The following DOCK8 variants were observed in gnomAD, a reference collection of about 807,000 sequenced individuals.
DOCK8 encodes the protein dedicator of cytokinesis 8.
In DOCK8, 141 loss-of-function variants were observed where a neutral mutation model predicts 245.6. That is an observed-to-expected ratio of 0.57 (90% CI 0.50 to 0.66). DOCK8 has a LOEUF of 0.66. Ranked by LOEUF, DOCK8 falls within the 30% of genes least tolerant of loss-of-function variation. The probability of loss-of-function intolerance (pLI) is 0.00; values close to 1 mark genes in which losing one functional copy is unlikely to be tolerated. For missense variants in DOCK8, 2,965 were observed against 2,603.4 expected, an observed-to-expected ratio of 1.14 and a Z score of -3.02; for synonymous variants, 1,168 against 970.2, an observed-to-expected ratio of 1.20 and a Z score of -3.79.
intron 14 of DOCK8, among the ~76,000 whole-genome samples, chr9:357,566 G>GTTATTTTTTTTTTTTT: frequency 6.7e-6 from 1 of 150,148 alleles, no homozygotes; most frequent in African/African-American, 2.5e-5. Flanking sequence ...TTATTGTAGA[G>GTTATTTTTTTTTTTTT]TTTTTAAACA....
At chr9:463,390 C>A in intron 46 of DOCK8, 127 bp from the exon 47 acceptor site, 1 of 1,119,788 alleles carries the variant, frequency 8.9e-7, no homozygotes, top group Non-Finnish European at 1.3e-6. Context: ...ACAGGTGATC[C>A]CGATATGCCA....
intron 2 of DOCK8, among the ~76,000 whole-genome samples, chr9:275,527 G>A (rs1333168065): frequency 1.3e-5 from 2 of 151,934 alleles, no homozygotes; most frequent in Middle Eastern, 3.2e-3. Context: ...AGTTCCCTGG[G>A]GACTTTAACT....
intron 5 of DOCK8, among the ~76,000 whole-genome samples, chr9:305,345 C>T (rs558592048): frequency 1.3e-4 from 19 of 151,590 alleles, no homozygotes; most frequent in African/African-American, 1.9e-4. Flanking sequence ...TGCAGTGGCA[C>T]GATCTTGGCT....
chr9:405,293 G>C (rs1302148531), intron 27 of DOCK8, among the ~76,000 whole-genome samples: 1 of 152,106 alleles, frequency 6.6e-6, no homozygotes. Context: ...CCCTGATCAG[G>C]TTAAGTAAAG....
chr9:234,798 C>T (rs2047207321), intron 1 of DOCK8, among the ~76,000 whole-genome samples: 1 of 147,328 alleles, frequency 6.8e-6, no homozygotes, highest in East Asian at 2.4e-4. Flanking sequence ...ATCCATTCGT[C>T]TATTTTTTTT....
intron 14 of DOCK8, among the ~76,000 whole-genome samples, chr9:360,867 A>G (rs969853500): frequency 6.6e-6 from 1 of 152,108 alleles, no homozygotes; most frequent in African/African-American, 2.4e-5. Context: ...CTCCCTCAAA[A>G]AGAGCATTTC....
chr9:428,960 CTTTA>C (rs111783905), intron 35 of DOCK8, among the ~76,000 whole-genome samples: 1 of 151,956 alleles, frequency 6.6e-6, no homozygotes, highest in African/African-American at 2.4e-5. Flanking sequence ...TTATTTTTCC[CTTTA>C]TTTATTTATT....
At chr9:458,769 C>T (rs1297549361) in intron 46 of DOCK8, among the ~76,000 whole-genome samples, 1 of 152,144 alleles carries the variant, frequency 6.6e-6, no homozygotes, top group African/African-American at 2.4e-5. Context: ...TGAGATCATG[C>T]CACTGCCTTC....
chr9:414,739 T>G (rs2055905103), intron 28 of DOCK8, 43 bp from the exon 29 acceptor site: 1 of 1,613,722 alleles, frequency 6.2e-7, no homozygotes, highest in African/African-American at 1.3e-5. Context: ...TTTAGTCAAT[T>G]TCCTTTCACC....
chr9:444,596 A>G (rs2057195986), intron 43 of DOCK8, among the ~76,000 whole-genome samples: 1 of 152,170 alleles, frequency 6.6e-6, no homozygotes, highest in Non-Finnish European at 1.5e-5. Flanking sequence ...AATTGAATAC[A>G]GTCTCCAGCC....
chr9:433,570 T>C (rs1023779477), intron 37 of DOCK8, among the ~76,000 whole-genome samples: 2 of 152,226 alleles, frequency 1.3e-5, no homozygotes, highest in African/African-American at 4.8e-5. Flanking sequence ...TTTAGAACTT[T>C]TCAGGTTACA....
chr9:369,944 C>A (rs370303945), intron 15 of DOCK8: 1 of 436,488 alleles, frequency 2.3e-6, no homozygotes, highest in South Asian at 2.1e-5. Context: ...AGGGACTATA[C>A]GCATGTGCCA....
chr9:408,623 T>C (rs1022509248), intron 28 of DOCK8, among the ~76,000 whole-genome samples: 3 of 152,200 alleles, frequency 2.0e-5, no homozygotes, highest in African/African-American at 7.2e-5. Flanking sequence ...TGCACAAACA[T>C]GTACATACAT....
At chr9:453,501 A>C (rs1308791451) in intron 46 of DOCK8, among the ~76,000 whole-genome samples, 1 of 152,170 alleles carries the variant, frequency 6.6e-6, no homozygotes, top group Non-Finnish European at 1.5e-5. Flanking sequence ...ATCTCAGCTC[A>C]CTGCAACCTC....
At chr9:258,781 A>G (rs1209237690) in intron 1 of DOCK8, among the ~76,000 whole-genome samples, 1 of 151,854 alleles carries the variant, frequency 6.6e-6, no homozygotes, top group African/African-American at 2.4e-5. Context: ...TATTTTTAGT[A>G]GAGATGGGGT....
chr9:268,053 A>G (rs1439323390), intron 1 of DOCK8: 1 of 152,242 alleles, frequency 6.6e-6, no homozygotes, highest in Non-Finnish European at 1.5e-5. Flanking sequence ...GTTTTCCCAC[A>G]GCTTGACCAA....
intron 19 of DOCK8, 47 bp from the exon 20 acceptor site, chr9:376,930 A>G (rs748142982): frequency 2.0e-6 from 3 of 1,533,220 alleles, no homozygotes; most frequent in Non-Finnish European, 2.7e-6. Context: ...CCACTGGTGA[A>G]CATTGATGGT....
chr9:421,940 C>G, intron 32 of DOCK8, 108 bp from the exon 33 acceptor site: 2 of 985,226 alleles, frequency 2.0e-6, no homozygotes, highest in African/African-American at 1.6e-5. Context: ...CTCTAATTAG[C>G]CCGAGAAATG....
At chr9:281,212 C>A (rs2048568286) in intron 2 of DOCK8, among the ~76,000 whole-genome samples, 1 of 151,964 alleles carries the variant, frequency 6.6e-6, no homozygotes, top group Non-Finnish European at 1.5e-5. Context: ...CGAGATCCCG[C>A]CACTGCAGTC....
Sources: gnomAD v4.1 joint callset for allele counts (sites outside exome capture counted in the v4.1 genomes callset) on GRCh38, gnomAD v4.1.1 for gene constraint, MANE v1.5 for transcripts, NCBI Gene and HGNC (gene_info 2026-07-23, HGNC 2026-07-21) for gene names.